The following VEZT variants were observed in gnomAD, a reference collection of about 807,000 sequenced individuals.
VEZT encodes the protein vezatin, adherens junctions transmembrane protein.
VEZT carries 39 observed loss-of-function variants against 79.9 expected under a neutral mutation model. The ratio of observed to expected loss-of-function variants is 0.49; its 90% confidence interval spans 0.38 to 0.64. The LOEUF is 0.64. Among genes scored for constraint, VEZT ranks in the 30% least tolerant of loss-of-function variants. The probability of loss-of-function intolerance (pLI) is 0.00; values close to 1 mark genes in which losing one functional copy is unlikely to be tolerated. For missense variants in VEZT, 837 were observed against 893.1 expected, an observed-to-expected ratio of 0.94 and a Z score of 0.80; for synonymous variants, 325 against 327.6, an observed-to-expected ratio of 0.99 and a Z score of 0.09.
At chr12:95,287,477 A>G (rs1467627920) in intron 8 of VEZT, among the ~76,000 whole-genome samples, 187 bp from the exon 9 acceptor site, 1 of 151,984 alleles carries the variant, frequency 6.6e-6, no homozygotes, top group African/African-American at 2.4e-5. Context: ...AATTTTTTGT[A>G]TTTTTGGTGA....
chr12:95,286,701 A>G (rs2070974564), intron 8 of VEZT: 1 of 386,022 alleles, frequency 2.6e-6, no homozygotes, highest in Non-Finnish European at 5.2e-6. Context: ...TTCAGGAAAT[A>G]TTCCACTTTC....
chr12:95,224,205 G>A, intron 1 of VEZT: 1 of 456,046 alleles, frequency 2.2e-6, no homozygotes, highest in Non-Finnish European at 4.4e-6. Flanking sequence ...AGGACCTGCA[G>A]ATCAGAGGAT....
intron 1 of VEZT, among the ~76,000 whole-genome samples, chr12:95,239,740 T>G (rs965984454): frequency 6.6e-6 from 1 of 152,062 alleles, no homozygotes; most frequent in African/African-American, 2.4e-5. Context: ...TCACTTGAGG[T>G]CAGGAGTTTG....
chr12:95,284,236 T>C (rs2069971977), intron 8 of VEZT, among the ~76,000 whole-genome samples: 1 of 152,240 alleles, frequency 6.6e-6, no homozygotes, highest in South Asian at 2.1e-4. Flanking sequence ...AACCATCATA[T>C]CCAATTTGCT....
rs561878950 is a variant in VEZT at position 95,295,184 on chromosome 12, C to T, written c.1623+812C>T. Among the ~76,000 whole-genome samples the T allele has an allele frequency of 2.9e-4, 44 of 152,110 alleles. No individual in the cohort carries two copies. In the East Asian group the frequency reaches 7.5e-3, roughly 26 times the overall value. ...TGCTTGGTTCTTTTTTATATGAGACCGAGTCTCACTCTGTGGCCCAGGCTG... is the reference window on the plus strand; with the variant it reads ...TGCTTGGTTCTTTTTTATATGAGACTGAGTCTCACTCTGTGGCCCAGGCTG... On this transcript the variant is annotated intron_variant, in intron 10 of 11. Coordinates refer to ENST00000436874, the MANE Select transcript of VEZT (RefSeq NM_017599.4).
chr12:95,224,252 G>A (rs1319447551), intron 1 of VEZT: 1 of 455,760 alleles, frequency 2.2e-6, no homozygotes, highest in Non-Finnish European at 4.4e-6. Context: ...GGTGTTTCTT[G>A]TCTGAATTCT....
intron 1 of VEZT, among the ~76,000 whole-genome samples, chr12:95,242,611 C>T (rs140823150): frequency 0.015 from 2,332 of 152,220 alleles, 65 homozygotes; most frequent in African/African-American, 0.054. Flanking sequence ...TGGTGGCTCA[C>T]GCCTGTAATC....
At chr12:95,232,395 G>T (rs57611631) in intron 1 of VEZT, among the ~76,000 whole-genome samples, 9,492 of 152,294 alleles carry the variant, frequency 0.062, 454 homozygotes, top group Middle Eastern at 0.12. Flanking sequence ...GTACAAACTT[G>T]AGGAAAAGTT....
intron 9 of VEZT, among the ~76,000 whole-genome samples, chr12:95,289,767 T>A (rs576095707): frequency 6.3e-4 from 96 of 152,350 alleles, no homozygotes; most frequent in Middle Eastern, 3.4e-3. Context: ...TATCTTTTTT[T>A]AAAAAGGTCT....
At chr12:95,261,244 T>C (rs1446621531) in intron 3 of VEZT, among the ~76,000 whole-genome samples, 1 of 152,068 alleles carries the variant, frequency 6.6e-6, no homozygotes, top group Non-Finnish European at 1.5e-5. Flanking sequence ...GAATGTGTGG[T>C]GTGGGGATGA....
At chr12:95,260,687 T>G (rs1020704703) in intron 3 of VEZT, among the ~76,000 whole-genome samples, 1 of 152,232 alleles carries the variant, frequency 6.6e-6, no homozygotes, top group Non-Finnish European at 1.5e-5. Context: ...AAAGGTATGG[T>G]CTAAAGCTTT....
chr12:95,289,417 CAAAAAA>C (rs146728004), intron 9 of VEZT, among the ~76,000 whole-genome samples: 8 of 69,464 alleles, frequency 1.2e-4, no homozygotes, highest in African/African-American at 2.8e-4. Flanking sequence ...ACTCTTGTCT[CAAAAAA>C]AAAAAAAAAA....
intron 6 of VEZT, among the ~76,000 whole-genome samples, chr12:95,273,353 G>A (rs1479935471): frequency 6.6e-6 from 1 of 152,082 alleles, no homozygotes; most frequent in African/African-American, 2.4e-5. Flanking sequence ...TTATGTACAT[G>A]CATGCATATA....
At chr12:95,256,294 G>A (rs1047976894) in intron 2 of VEZT, among the ~76,000 whole-genome samples, 10 of 151,840 alleles carry the variant, frequency 6.6e-5, no homozygotes, top group Middle Eastern at 3.4e-3. Context: ...CAGGTGCTCC[G>A]CCCTCCTCGG....
Position 95,263,027 on chromosome 12 carries a change from A to G in VEZT, c.380A>G (p.Gln127Arg). 6.2e-7 allele frequency: 1 copy of G among 1,612,848 alleles called. No homozygotes were observed. Among genetic ancestry groups the G allele is most frequent in the Non-Finnish European group, 8.5e-7 (1 of 1,179,026 alleles). ...PSILSAGQSQ[Q>R]QENGHLPTLC... ...ATCCTGTCTGCAGGGCAATCTCAAC[A>G]ACAGGAAAATGGACACCTTCCAACA... Residue 127 changes from glutamine to arginine, a missense_variant, in exon 4 of 12, where the codon CAA becomes CGA. Physicochemically the swap from Gln to Arg is conservative, Grantham distance 43. Coordinates refer to ENST00000436874, the MANE Select transcript of VEZT (RefSeq NM_017599.4).
chr12:95,224,490 C>T (rs913173329), intron 1 of VEZT, among the ~76,000 whole-genome samples: 6 of 152,030 alleles, frequency 3.9e-5, no homozygotes, highest in African/African-American at 1.4e-4. Flanking sequence ...ACCTGTAACT[C>T]TTATCACGGG....
intron 1 of VEZT, among the ~76,000 whole-genome samples, chr12:95,227,088 G>A (rs1047263691): frequency 6.6e-5 from 10 of 152,136 alleles, no homozygotes; most frequent in East Asian, 3.9e-4. Context: ...CTCTGTTATC[G>A]TCATCATTAA....
chr12:95,291,734 T>TGTA (rs2072880635), intron 9 of VEZT, among the ~76,000 whole-genome samples: 1 of 152,244 alleles, frequency 6.6e-6, no homozygotes, highest in Non-Finnish European at 1.5e-5. Flanking sequence ...TTGTAAAAGC[T>TGTA]ATTACTGCAA....
chr12:95,240,775 A>C (rs1413597676), intron 1 of VEZT, among the ~76,000 whole-genome samples: 1 of 152,134 alleles, frequency 6.6e-6, no homozygotes, highest in Non-Finnish European at 1.5e-5. Flanking sequence ...TTGCTTTTCA[A>C]ATCAGTCATC....
Sources: gnomAD v4.1 joint callset for allele counts (sites outside exome capture counted in the v4.1 genomes callset) on GRCh38, gnomAD v4.1.1 for gene constraint, MANE v1.5 for transcripts, NCBI Gene and HGNC (gene_info 2026-07-23, HGNC 2026-07-21) for gene names.